LDLRAD4: variants seen among roughly 807,000 people sequenced by gnomAD.
The protein encoded by LDLRAD4 is low-density lipoprotein receptor class A domain-containing protein 4.
In LDLRAD4, 5 loss-of-function variants were observed where a neutral mutation model predicts 17.0. The observed-to-expected ratio is 0.29, with a 90% CI of 0.15 to 0.62. The LOEUF (loss-of-function observed/expected upper bound fraction) is 0.62, where lower values mean the gene tolerates loss of function less well. Ranked by LOEUF, LDLRAD4 falls within the 20% of genes least tolerant of loss-of-function variation. The pLI, the probability that LDLRAD4 is intolerant of heterozygous loss-of-function variation, is 0.84. For synonymous variants in LDLRAD4, 168 were observed against 171.8 expected (o/e 0.98, Z 0.17); for missense variants, 340 against 424.7 (o/e 0.80, Z 1.75).
intron 3 of LDLRAD4, among the ~76,000 whole-genome samples, chr18:13,476,438 A>T (rs1428079920): frequency 6.6e-6 from 1 of 151,976 alleles, no homozygotes; most frequent in Admixed American, 6.6e-5. Context: ...CAGCCTGGGC[A>T]ATGTAGCAAG....
At chr18:13,625,045 G>A (rs771108270) in intron 4 of LDLRAD4, among the ~76,000 whole-genome samples, 5 of 152,164 alleles carry the variant, frequency 3.3e-5, no homozygotes, top group African/African-American at 4.8e-5. Flanking sequence ...CCCTGGCGGC[G>A]GCTCAGCACC....
intron 3 of LDLRAD4, chr18:13,616,276 C>A (rs2040071989): frequency 1.3e-5 from 2 of 152,032 alleles, no homozygotes; most frequent in African/African-American, 2.4e-5. Flanking sequence ...TGCCACACAC[C>A]CCCTCGTGAG....
intron 1 of LDLRAD4, among the ~76,000 whole-genome samples, chr18:13,343,902 A>G (rs945278076): frequency 1.1e-4 from 16 of 152,090 alleles, no homozygotes; most frequent in African/African-American, 3.9e-4. Context: ...GTCTGTTCAT[A>G]TCCTTCACCC....
At chr18:13,364,542 G>A (rs147487507) in intron 1 of LDLRAD4, among the ~76,000 whole-genome samples, 2,166 of 152,140 alleles carry the variant, frequency 0.014, 35 homozygotes, top group Middle Eastern at 0.034. Flanking sequence ...GGATCTCACT[G>A]TGTTGTCTAG....
intron 3 of LDLRAD4, chr18:13,614,089 T>C (rs138690497): frequency 6.6e-6 from 1 of 152,248 alleles, no homozygotes; most frequent in African/African-American, 2.4e-5. Flanking sequence ...GGAGAATACG[T>C]GTCTGTGCTG....
At chr18:13,555,068 C>CA (rs1239939309) in intron 3 of LDLRAD4, among the ~76,000 whole-genome samples, 14 of 152,100 alleles carry the variant, frequency 9.2e-5, no homozygotes, top group Admixed American at 9.2e-4. Context: ...GAGAATTCTG[C>CA]AAAATACCTG....
intron 1 of LDLRAD4, among the ~76,000 whole-genome samples, chr18:13,321,937 A>G (rs1425664817): frequency 1.4e-5 from 2 of 148,006 alleles, no homozygotes; most frequent in South Asian, 2.1e-4. Flanking sequence ...AAACACACAG[A>G]CTTAAAAATC....
chr18:13,246,136 C>A (rs534747346), intron 1 of LDLRAD4, among the ~76,000 whole-genome samples: 57 of 152,214 alleles, frequency 3.7e-4, no homozygotes, highest in Admixed American at 1.6e-3. Context: ...TTAAAGTGTG[C>A]GAACAACGAT....
At chr18:13,325,018 A>C (rs1376868420) in intron 1 of LDLRAD4, among the ~76,000 whole-genome samples, 1 of 152,128 alleles carries the variant, frequency 6.6e-6, no homozygotes, top group Non-Finnish European at 1.5e-5. Context: ...GTAGAGGAAG[A>C]AGTCATGTAC....
intron 1 of LDLRAD4, among the ~76,000 whole-genome samples, chr18:13,235,737 A>G (rs893333172): frequency 6.6e-6 from 1 of 152,188 alleles, no homozygotes; most frequent in African/African-American, 2.4e-5. Flanking sequence ...TCCCAGTCTG[A>G]GGACACATCT....
intron 1 of LDLRAD4, among the ~76,000 whole-genome samples, chr18:13,226,236 G>T (rs1386990279): frequency 7.8e-6 from 1 of 127,510 alleles, no homozygotes; most frequent in East Asian, 2.4e-4. Context: ...GCCCAGGCTG[G>T]TCTCAAATTC....
In LDLRAD4 at chr18:13,635,909, C is replaced by T. The variant is rs145395050; in HGVS notation, c.337-7450C>T. 3.6e-3 allele frequency among the ~76,000 whole-genome samples: 540 copies of T among 150,208 alleles called. 3 individuals are homozygous for T. The highest frequency in any genetic ancestry group is 0.012 in the African/African-American group (503 of 40,622). The stretch of plus-strand genomic sequence containing the variant: ...GACTAACGTTAGAGTTCCAAGTGTA[C>T]GCAGCAGAGAAGACAGCTATGCTGT... On this transcript the variant is annotated intron_variant, in intron 4 of 5. Coordinates refer to ENST00000359446, the Ensembl canonical transcript of LDLRAD4.
Position 13,598,839 on chromosome 18 carries a change from G to A in LDLRAD4, c.182-22278G>A, listed in dbSNP as rs114027435. Among the ~76,000 whole-genome samples the A allele has an allele frequency of 6.2e-3, 942 of 152,306 alleles. 10 individuals carry two copies. Among genetic ancestry groups the A allele is most frequent in the African/African-American group, 0.022 (911 of 41,572 alleles). On this transcript the variant is annotated intron_variant, in intron 3 of 5. Coordinates refer to ENST00000359446, the Ensembl canonical transcript of LDLRAD4. Reference sequence around the variant, plus strand: ...TGGGGACATTAGCTCACTTCTCTGAGTGAGCCCTCCTCAACTTTATGGGCA... The same window carrying A: ...TGGGGACATTAGCTCACTTCTCTGAATGAGCCCTCCTCAACTTTATGGGCA...
At chr18:13,436,053 A>T (rs2090633185) in intron 2 of LDLRAD4, among the ~76,000 whole-genome samples, 1 of 152,222 alleles carries the variant, frequency 6.6e-6, no homozygotes, top group African/African-American at 2.4e-5. Context: ...CAAATTATTC[A>T]TTTATTCAAC....
At chr18:13,650,718 T>A (rs1352103427) in exon 6 of LDLRAD4, 3 of 191,730 alleles carry the variant, frequency 1.6e-5, no homozygotes, top group Non-Finnish European at 3.2e-5. Context: ...AATACTGTAA[T>A]ATAATGTATA....
chr18:13,608,232 C>T (rs962887186), intron 3 of LDLRAD4, among the ~76,000 whole-genome samples: 2 of 152,032 alleles, frequency 1.3e-5, no homozygotes, highest in Middle Eastern at 3.4e-3. Context: ...TACCATCTCA[C>T]GCCAGTTAGA....
At chr18:13,238,558 G>T (rs1303482521) in intron 1 of LDLRAD4, among the ~76,000 whole-genome samples, 1 of 152,192 alleles carries the variant, frequency 6.6e-6, no homozygotes, top group East Asian at 1.9e-4. Context: ...GTGGGAGAAC[G>T]TGCAGATGTG....
intron 3 of LDLRAD4, among the ~76,000 whole-genome samples, chr18:13,506,223 T>A (rs28494970): frequency 7.4e-5 from 2 of 26,850 alleles, no homozygotes; most frequent in Admixed American, 6.8e-4. Context: ...TTCCTCTTTT[T>A]TTTTTTTATT....
chr18:13,587,069 C>T (rs1218302774), intron 3 of LDLRAD4, among the ~76,000 whole-genome samples: 2 of 152,132 alleles, frequency 1.3e-5, no homozygotes, highest in African/African-American at 4.8e-5. Flanking sequence ...GAGGTTTCCA[C>T]TCTTGAAACA....
Sources: allele counts gnomAD v4.1 joint callset (sites outside exome capture counted in the v4.1 genomes callset), GRCh38; gene constraint gnomAD v4.1.1; transcripts MANE v1.5; gene names NCBI Gene and HGNC (gene_info 2026-07-23, HGNC 2026-07-21).